Variants in PBX3 observed in about 807,000 individuals in gnomAD.
The protein encoded by PBX3 is PBX homeobox 3, also known as pre-B-cell leukemia transcription factor 3.
PBX3 carries 14 observed loss-of-function variants against 48.5 expected under a neutral mutation model. That is an observed-to-expected ratio of 0.29 (90% CI 0.19 to 0.45). PBX3 has a LOEUF of 0.45. Among genes scored for constraint, PBX3 ranks in the 20% least tolerant of loss-of-function variants. The pLI, the probability that PBX3 is intolerant of heterozygous loss-of-function variation, is 1.00. For synonymous variants in PBX3, 210 were observed against 200.3 expected (o/e 1.05, Z -0.41); for missense variants, 386 against 546.7 (o/e 0.71, Z 2.93).
At chr9:125,869,426 A>G (rs1840063782) in intron 2 of PBX3, among the ~76,000 whole-genome samples, 1 of 152,216 alleles carries the variant, frequency 6.6e-6, no homozygotes. Context: ...AGCTCGGTGA[A>G]TTCTAACTGG....
intron 2 of PBX3, among the ~76,000 whole-genome samples, chr9:125,794,491 C>A (rs1001193884): frequency 2.2e-4 from 33 of 152,078 alleles, no homozygotes; most frequent in African/African-American, 7.9e-4. Flanking sequence ...TTAGTTACTG[C>A]TCAGTTTCTA....
At chr9:125,940,650 G>A (rs934965519) in intron 5 of PBX3, among the ~76,000 whole-genome samples, 5 of 152,180 alleles carry the variant, frequency 3.3e-5, no homozygotes, top group Non-Finnish European at 7.3e-5. Flanking sequence ...TGTATATTTG[G>A]AATGTTATTT....
intron 2 of PBX3, among the ~76,000 whole-genome samples, chr9:125,806,006 A>C (rs1352123509): frequency 6.6e-6 from 1 of 152,202 alleles, no homozygotes; most frequent in Non-Finnish European, 1.5e-5. Flanking sequence ...GTATCTATGT[A>C]TCCATCTCTA....
chr9:125,801,782 T>TATACAC (rs1173779463), intron 2 of PBX3, among the ~76,000 whole-genome samples: 1 of 104,088 alleles, frequency 9.6e-6, no homozygotes, highest in Non-Finnish European at 2.0e-5. Flanking sequence ...TATGAACATG[T>TATACAC]ATACACATAC....
At chr9:125,940,139 G>A (rs561348626) in intron 5 of PBX3, among the ~76,000 whole-genome samples, 2 of 151,956 alleles carry the variant, frequency 1.3e-5, no homozygotes, top group Admixed American at 6.6e-5. Flanking sequence ...AGCCAAGATC[G>A]TGCCATTGCA....
intron 2 of PBX3, among the ~76,000 whole-genome samples, chr9:125,775,455 T>C (rs1837047805): frequency 6.6e-6 from 1 of 152,228 alleles, no homozygotes; most frequent in South Asian, 2.1e-4. Flanking sequence ...TTCATTCTTT[T>C]GGATGTAGAT....
intron 2 of PBX3, among the ~76,000 whole-genome samples, chr9:125,875,825 T>C (rs900369942): frequency 5.9e-5 from 9 of 152,232 alleles, no homozygotes; most frequent in African/African-American, 2.2e-4. Context: ...TCAACCACCA[T>C]TTATTGTGTA....
intron 2 of PBX3, among the ~76,000 whole-genome samples, chr9:125,827,033 C>T (rs1485724508): frequency 1.3e-5 from 2 of 152,136 alleles, no homozygotes; most frequent in African/African-American, 4.8e-5. Context: ...CCACACCTCC[C>T]ACCCACACCC....
intron 2 of PBX3, among the ~76,000 whole-genome samples, chr9:125,821,939 G>A (rs976490672): frequency 2.0e-5 from 3 of 152,040 alleles, no homozygotes; most frequent in Non-Finnish European, 4.4e-5. Context: ...AATTGATTAT[G>A]TTAGAATATC....
At chr9:125,927,446 C>T (rs977076455) in intron 3 of PBX3, among the ~76,000 whole-genome samples, 4 of 152,146 alleles carry the variant, frequency 2.6e-5, no homozygotes, top group Non-Finnish European at 4.4e-5. Flanking sequence ...AAAGGTTAGT[C>T]CTCTAATGAG....
intron 3 of PBX3, among the ~76,000 whole-genome samples, chr9:125,917,370 A>G (rs948865262): frequency 2.6e-5 from 4 of 152,174 alleles, no homozygotes; most frequent in African/African-American, 9.7e-5. Context: ...ATTAACCTAC[A>G]TTGACACATC....
In PBX3 at chr9:125,960,830, G is replaced by C; in HGVS notation, c.990G>C (p.Ser330=). The C allele has an allele frequency of 6.2e-7, 1 of 1,613,844 alleles. No homozygotes were observed. ...AAAVQNNQTN[S]PTTPNSGSSG... is the part of the protein sequence containing the mutation. ...CTGTGCAGAACAACCAGACCAATTC[G>C]CCCACCACACCAAATTCCGGTGCGT... The change falls in exon 6 of 9, where the codon TCG becomes TCC. Residue 330 remains serine (S), a synonymous_variant. Transcript: ENST00000373489.
At chr9:125,835,710 A>C (rs1564681711) in intron 2 of PBX3, among the ~76,000 whole-genome samples, 1 of 152,210 alleles carries the variant, frequency 6.6e-6, no homozygotes, top group Non-Finnish European at 1.5e-5. Context: ...AAGACAAAAC[A>C]TAACATGCTG....
chr9:125,780,788 T>C (rs1281538251), intron 2 of PBX3, among the ~76,000 whole-genome samples: 11 of 128,172 alleles, frequency 8.6e-5, no homozygotes, highest in Non-Finnish European at 1.2e-4. Flanking sequence ...CCCCCCCACC[T>C]CCCTCCCGGA....
chr9:125,843,183 A>G (rs1314213818), intron 2 of PBX3, among the ~76,000 whole-genome samples: 1 of 152,088 alleles, frequency 6.6e-6, no homozygotes, highest in Non-Finnish European at 1.5e-5. Context: ...ATTTGGTTCT[A>G]CTGTTCTGAG....
intron 2 of PBX3, among the ~76,000 whole-genome samples, chr9:125,898,453 A>AAT (rs1344084963): frequency 2.6e-5 from 4 of 151,028 alleles, no homozygotes; most frequent in East Asian, 1.9e-4. Context: ...TCTTCTGAAA[A>AAT]AAAAAAATAA....
intron 2 of PBX3, among the ~76,000 whole-genome samples, chr9:125,872,572 A>G (rs1168920574): frequency 6.6e-6 from 1 of 151,996 alleles, no homozygotes; most frequent in Non-Finnish European, 1.5e-5. Context: ...CAGCCTGGGC[A>G]ACATAGCGAG....
chr9:125,877,823 C>CT (rs994886698), intron 2 of PBX3, among the ~76,000 whole-genome samples: 3 of 152,170 alleles, frequency 2.0e-5, no homozygotes, highest in Non-Finnish European at 4.4e-5. Context: ...GTGCTGGGCA[C>CT]TGGGGCAGTT....
intron 3 of PBX3, among the ~76,000 whole-genome samples, chr9:125,919,649 G>C (rs993921928): frequency 6.6e-6 from 1 of 152,150 alleles, no homozygotes; most frequent in African/African-American, 2.4e-5. Context: ...AAATTGTGTT[G>C]AGTCTTTTAG....
Sources: gnomAD v4.1 joint callset for allele counts (sites outside exome capture counted in the v4.1 genomes callset) on GRCh38, gnomAD v4.1.1 for gene constraint, MANE v1.5 for transcripts, NCBI Gene and HGNC (gene_info 2026-07-23, HGNC 2026-07-21) for gene names.